Variants in PLPP3 observed in about 807,000 individuals in gnomAD.
PLPP3 encodes the protein phospholipid phosphatase 3.
A neutral mutation model predicts 29.6 loss-of-function variants in PLPP3; 6 were observed. The observed-to-expected ratio is 0.20, with a 90% CI of 0.11 to 0.40. The LOEUF is 0.40. Ranked by LOEUF, PLPP3 falls within the 10% of genes least tolerant of loss-of-function variation. The probability of loss-of-function intolerance (pLI) is 1.00; values close to 1 mark genes in which losing one functional copy is unlikely to be tolerated. For missense variants in PLPP3, 308 were observed against 407.7 expected, an observed-to-expected ratio of 0.76 and a Z score of 2.11; for synonymous variants, 152 against 159.7, an observed-to-expected ratio of 0.95 and a Z score of 0.36.
chr1:56,560,018 C>T (rs886710221), intron 1 of PLPP3, among the ~76,000 whole-genome samples: 2 of 152,148 alleles, frequency 1.3e-5, no homozygotes, highest in South Asian at 2.1e-4. Context: ...TCCAAACAAC[C>T]GTGATGTTAC....
intron 5 of PLPP3, among the ~76,000 whole-genome samples, chr1:56,501,691 A>G (rs535953571): frequency 6.6e-6 from 1 of 152,318 alleles, no homozygotes; most frequent in Non-Finnish European, 1.5e-5. Context: ...TTCCTTCAAG[A>G]GCATGAGTAC....
intron 5 of PLPP3, among the ~76,000 whole-genome samples, chr1:56,499,843 C>T (rs1285580873): frequency 1.3e-5 from 2 of 152,142 alleles, no homozygotes; most frequent in African/African-American, 2.4e-5. Context: ...CCATTTCCTA[C>T]AGAAGATGAT....
intron 5 of PLPP3, among the ~76,000 whole-genome samples, chr1:56,508,371 C>T (rs1190353545): frequency 2.0e-5 from 3 of 152,136 alleles, no homozygotes; most frequent in East Asian, 1.9e-4. Context: ...AGTGCTTGGG[C>T]TCTCAGCAAA....
In PLPP3 at chr1:56,547,168, A is replaced by G. The variant is rs113755276; in HGVS notation, c.140-10056T>C. Among the ~76,000 whole-genome samples, 748 of 152,336 alleles carry G rather than the reference A, an allele frequency of 4.9e-3. 7 individuals are homozygous for G. The highest frequency in any genetic ancestry group is 0.017 in the African/African-American group (690 of 41,574). ...AGGTTGAGGGCCCCCTCTGTCTAAC[A>G]TCATAATTATTCCTTTCCCATAAAT... On this transcript the variant is annotated intron_variant, in intron 1 of 5. Transcript: ENST00000371250.
intron 1 of PLPP3, chr1:56,538,433 CT>C: frequency 2.4e-6 from 1 of 412,732 alleles, no homozygotes; most frequent in Non-Finnish European, 4.9e-6. Context: ...GAACTGCCAT[CT>C]TCCAGTAATT....
At position 56,578,941 on chromosome 1, in the gene PLPP3, G is replaced by A; in HGVS notation, c.76C>T (p.Pro26Ser). 6 of 1,606,374 alleles carry A rather than the reference G, an allele frequency of 3.7e-6. No homozygotes were observed. The highest frequency in any genetic ancestry group is 5.1e-6 in the Non-Finnish European group (6 of 1,177,156). The change falls in exon 1 of 6, where the codon CCG (proline) becomes TCG (serine). Residue 26 changes from proline (P) to serine (S), a missense_variant. By Grantham distance (74) the Pro-to-Ser change is moderately conservative. Around this residue, in one of 3 missense-constraint regions of PLPP3, gnomAD observed 67 missense variants for 61.3 expected, o/e 1.09. Coordinates refer to ENST00000371250, the MANE Select transcript of PLPP3 (RefSeq NM_003713.5). The part of the protein sequence containing the change: ...NGGSPALNNN[P>S]RRSGSKRVLL... Reference sequence around the variant, plus strand: ...ACCCGCTTGCTGCCGCTCCTCCTCGGGTTGTTGTTGAGCGCCGGGCTGCCG... The same window carrying A: ...ACCCGCTTGCTGCCGCTCCTCCTCGAGTTGTTGTTGAGCGCCGGGCTGCCG...
At chr1:56,520,056 C>G (rs868454643) in intron 4 of PLPP3, among the ~76,000 whole-genome samples, 3 of 152,090 alleles carry the variant, frequency 2.0e-5, no homozygotes, top group Non-Finnish European at 4.4e-5. Flanking sequence ...TAGGGCAGTT[C>G]AAACTTTTTT....
chr1:56,520,719 T>G (rs1037915227), intron 4 of PLPP3, among the ~76,000 whole-genome samples: 8 of 151,660 alleles, frequency 5.3e-5, no homozygotes, highest in African/African-American at 1.9e-4. Flanking sequence ...AAGACCAGCC[T>G]GGCCAACATG....
intron 1 of PLPP3, among the ~76,000 whole-genome samples, chr1:56,553,376 T>C (rs1646053177): frequency 6.6e-6 from 1 of 152,142 alleles, no homozygotes. Flanking sequence ...AACTGGGGTA[T>C]GGGAGCTTTA....
chr1:56,542,165 C>T (rs148500293), intron 1 of PLPP3, among the ~76,000 whole-genome samples: 502 of 152,232 alleles, frequency 3.3e-3, no homozygotes, highest in African/African-American at 0.012. Context: ...AGAAAGGCCC[C>T]TGTGTTGGGT....
At chr1:56,501,787 AAG>A (rs770925576) in intron 5 of PLPP3, among the ~76,000 whole-genome samples, 11 of 152,194 alleles carry the variant, frequency 7.2e-5, no homozygotes, top group South Asian at 2.1e-4. Flanking sequence ...AAAAGATAAA[AAG>A]AGAGGGGGGA....
Position 56,579,179 on chromosome 1 carries a change from C to G in PLPP3, c.-163G>C. On this transcript the variant is annotated 5_prime_UTR_variant, in exon 1 of 6. Transcript: ENST00000371250. The stretch of plus-strand genomic sequence containing the variant: ...CTAGAGTGCAGCCGGGGCTGCCTGC[C>G]TCCAACTGCAGAAGGTGGTGTTTTC... 1.2e-6 allele frequency: 1 copy of G among 818,666 alleles called. No homozygotes were observed. The highest frequency in any genetic ancestry group is 1.9e-5 in the South Asian group (1 of 52,126). 50.7% of individuals were successfully genotyped at this position (818,666 alleles called of 1,614,324 possible).
intron 1 of PLPP3, among the ~76,000 whole-genome samples, chr1:56,553,111 T>C (rs183579866): frequency 3.2e-4 from 49 of 152,226 alleles, no homozygotes; most frequent in Middle Eastern, 3.4e-3. Flanking sequence ...CCAGAAGAAC[T>C]TGGTTTCCTC....
intron 1 of PLPP3, among the ~76,000 whole-genome samples, chr1:56,577,053 A>C (rs1433613910): frequency 2.0e-5 from 3 of 152,190 alleles, no homozygotes; most frequent in African/African-American, 7.2e-5. Context: ...TTAATCACAA[A>C]GTAGGAGGTA....
intron 1 of PLPP3, among the ~76,000 whole-genome samples, chr1:56,566,301 G>A (rs1399016648): frequency 2.0e-5 from 3 of 152,138 alleles, no homozygotes; most frequent in Non-Finnish European, 4.4e-5. Flanking sequence ...ATAGGCAGTA[G>A]GGCCTAGTAG....
At chr1:56,498,434 G>T (rs1365550044) in intron 5 of PLPP3, among the ~76,000 whole-genome samples, 1 of 151,184 alleles carries the variant, frequency 6.6e-6, no homozygotes, top group Non-Finnish European at 1.5e-5. Context: ...ACTCTTCTCC[G>T]CCCCAGGCCC....
chr1:56,498,886 C>T (rs914520786), intron 5 of PLPP3, among the ~76,000 whole-genome samples: 10 of 152,308 alleles, frequency 6.6e-5, no homozygotes, highest in Admixed American at 2.0e-4. Flanking sequence ...CCTGCCTCAG[C>T]CTTCCAAAGA....
chr1:56,535,733 T>G (rs892987348), intron 2 of PLPP3, among the ~76,000 whole-genome samples: 4 of 152,120 alleles, frequency 2.6e-5, no homozygotes, highest in Non-Finnish European at 4.4e-5. Flanking sequence ...ACACATGAAC[T>G]CTAAAGAAGC....
intron 1 of PLPP3, among the ~76,000 whole-genome samples, chr1:56,545,845 C>T (rs1646002220): frequency 2.0e-5 from 3 of 152,042 alleles, no homozygotes; most frequent in African/African-American, 4.8e-5. Flanking sequence ...AGCCAAAGAT[C>T]GAGATAGTCA....
Sources: allele counts gnomAD v4.1 joint callset (sites outside exome capture counted in the v4.1 genomes callset), GRCh38; gene constraint gnomAD v4.1.1; regional missense constraint gnomAD v4.1.1; transcripts MANE v1.5; gene names NCBI Gene and HGNC (gene_info 2026-07-23, HGNC 2026-07-21).